The following LYPLA1 variants were observed in gnomAD, a reference collection of about 807,000 sequenced individuals.
The protein encoded by LYPLA1 is acyl-protein thioesterase 1.
LYPLA1 carries 17 observed loss-of-function variants against 34.0 expected under a neutral mutation model. The observed-to-expected ratio is 0.50, with a 90% CI of 0.34 to 0.75. The LOEUF (loss-of-function observed/expected upper bound fraction) is 0.75. Among genes scored for constraint, LYPLA1 ranks in the 30% least tolerant of loss-of-function variants. The probability of loss-of-function intolerance (pLI) is 0.01; values close to 1 mark genes in which losing one functional copy is unlikely to be tolerated. For synonymous variants in LYPLA1, 98 were observed against 100.8 expected (o/e 0.97, Z 0.17); for missense variants, 203 against 288.8 (o/e 0.70, Z 2.15).
At chr8:54,061,365 G>A (rs1203496770) in intron 5 of LYPLA1, among the ~76,000 whole-genome samples, 2 of 152,206 alleles carry the variant, frequency 1.3e-5, no homozygotes, top group Non-Finnish European at 2.9e-5. Flanking sequence ...AAAGGCGTGA[G>A]CCACCACGCC....
chr8:54,078,658 T>C (rs760345735), intron 2 of LYPLA1, among the ~76,000 whole-genome samples: 9 of 152,154 alleles, frequency 5.9e-5, no homozygotes, highest in Non-Finnish European at 1.2e-4. Context: ...GATCTAGACT[T>C]GTGACTTTGG....
intron 2 of LYPLA1, among the ~76,000 whole-genome samples, chr8:54,070,665 G>C (rs1586121233): frequency 6.6e-6 from 1 of 152,316 alleles, no homozygotes; most frequent in East Asian, 1.9e-4. Context: ...GGAGGTTGCA[G>C]TGAGCTGAGA....
intron 5 of LYPLA1, among the ~76,000 whole-genome samples, chr8:54,057,709 C>CA (rs976289863): frequency 2.6e-5 from 4 of 151,296 alleles, no homozygotes; most frequent in African/African-American, 9.7e-5. Flanking sequence ...TTAATGGGTA[C>CA]AAAAAAAATA....
intron 2 of LYPLA1, among the ~76,000 whole-genome samples, chr8:54,075,399 T>A (rs1057382172): frequency 2.0e-5 from 3 of 152,234 alleles, no homozygotes; most frequent in Non-Finnish European, 4.4e-5. Context: ...ATGAGCCAGA[T>A]GCCGAGTAAG....
At chr8:54,075,170 A>C (rs1373356469) in intron 2 of LYPLA1, among the ~76,000 whole-genome samples, 2 of 152,238 alleles carry the variant, frequency 1.3e-5, no homozygotes, top group Non-Finnish European at 2.9e-5. Flanking sequence ...AAATTTTTTG[A>C]GCCTGCCCAA....
In LYPLA1 at chr8:54,047,574, T is replaced by C. The variant is rs11549454; in HGVS notation, c.*491A>G. 7.0e-6 allele frequency: 1 copy of C among 142,968 alleles called. No homozygotes were observed. Among genetic ancestry groups the C allele is most frequent in the Admixed American group, 7.0e-5 (1 of 14,264 alleles). The allele number at this position is 142,968 out of a possible 1,614,324, so 8.9% of individuals were successfully genotyped here. A position where few individuals can be genotyped will look rare whatever the true frequency, so the allele number is the denominator to read the frequency against. ...ATAATGTAATACCACCTCATTCTTA[T>C]TATGTATTATAATCATTATGTATAT... On this transcript the variant is annotated 3_prime_UTR_variant, in exon 9 of 9. Transcript: ENST00000316963.
chr8:54,052,908 C>A (rs1805945227), intron 6 of LYPLA1, 152 bp from the exon 7 acceptor site: 2 of 589,808 alleles, frequency 3.4e-6, no homozygotes, highest in Admixed American at 2.7e-5. Context: ...ACAAACACAC[C>A]CCACCGTGTC....
chr8:54,065,415 G>GC (rs1184423963), intron 3 of LYPLA1, among the ~76,000 whole-genome samples: 2 of 151,556 alleles, frequency 1.3e-5, no homozygotes, highest in African/African-American at 4.9e-5. Flanking sequence ...CCGAGATCAC[G>GC]CCACTGCACT....
chr8:54,053,143 G>A (rs1805966236), intron 6 of LYPLA1: 1 of 171,516 alleles, frequency 5.8e-6, no homozygotes, highest in Non-Finnish European at 1.2e-5. Flanking sequence ...TGCCCAGGCT[G>A]GAGAGTAATG....
intron 2 of LYPLA1, among the ~76,000 whole-genome samples, chr8:54,080,302 C>A (rs145272972): frequency 6.6e-6 from 1 of 151,626 alleles, no homozygotes; most frequent in Non-Finnish European, 1.5e-5. Flanking sequence ...TACTGAGCCA[C>A]GAGCGTACTA....
intron 2 of LYPLA1, among the ~76,000 whole-genome samples, chr8:54,096,102 A>G (rs1809662320): frequency 6.6e-6 from 1 of 152,216 alleles, no homozygotes; most frequent in Non-Finnish European, 1.5e-5. Context: ...AAAAATGTAC[A>G]CTGAAGAATT....
At chr8:54,083,484 G>A (rs1808460941) in intron 2 of LYPLA1, among the ~76,000 whole-genome samples, 1 of 152,090 alleles carries the variant, frequency 6.6e-6, no homozygotes, top group Non-Finnish European at 1.5e-5. Context: ...TAAAACATCT[G>A]TATATCAAGA....
At chr8:54,084,963 T>TCCTCCTCTCCCTCTCCCTCTC (rs1184744193) in intron 2 of LYPLA1, among the ~76,000 whole-genome samples, 2 of 151,034 alleles carry the variant, frequency 1.3e-5, no homozygotes, top group Non-Finnish European at 2.9e-5. Flanking sequence ...GTTTAAAGAA[T>TCCTCCTCTCCCTCTCCCTCTC]CCTCCTCTCC....
chr8:54,053,021 A>AAT (rs1805955396), intron 6 of LYPLA1: 1 of 373,294 alleles, frequency 2.7e-6, no homozygotes. Context: ...ATGCCTTACG[A>AAT]ATATTCTGAA....
At chr8:54,101,512 G>A (rs1810150905) in intron 1 of LYPLA1, 2 of 1,130,796 alleles carry the variant, frequency 1.8e-6, no homozygotes, top group Non-Finnish European at 2.2e-6. Flanking sequence ...CGGGGGTCCC[G>A]GGGCCACACT....
intron 7 of LYPLA1, among the ~76,000 whole-genome samples, chr8:54,051,799 G>A (rs1285942231): frequency 1.3e-5 from 2 of 148,870 alleles, no homozygotes; most frequent in Non-Finnish European, 3.0e-5. Flanking sequence ...TTTTTTGTTT[G>A]TTTGGTTGGT....
chr8:54,052,513 T>C, intron 7 of LYPLA1, 142 bp downstream of exon 7: 2 of 597,542 alleles, frequency 3.3e-6, no homozygotes, highest in Non-Finnish European at 6.0e-6. Context: ...CTGTACCTTC[T>C]GCTCAGTTTT....
intron 2 of LYPLA1, among the ~76,000 whole-genome samples, chr8:54,082,011 T>A (rs1252791794): frequency 6.6e-6 from 1 of 152,188 alleles, no homozygotes; most frequent in Non-Finnish European, 1.5e-5. Flanking sequence ...ATTACAGGCA[T>A]GAGCCACCGC....
At chr8:54,093,469 G>A (rs1333277181) in intron 2 of LYPLA1, among the ~76,000 whole-genome samples, 1 of 152,186 alleles carries the variant, frequency 6.6e-6, no homozygotes, top group Admixed American at 6.5e-5. Flanking sequence ...GGAAAGCCGG[G>A]AGTTATCAGA....
Sources: allele counts gnomAD v4.1 joint callset (sites outside exome capture counted in the v4.1 genomes callset), GRCh38; gene constraint gnomAD v4.1.1; transcripts MANE v1.5; gene names NCBI Gene and HGNC (gene_info 2026-07-23, HGNC 2026-07-21).